The following ABCB11 variants were observed in gnomAD, a reference collection of about 807,000 sequenced individuals.
ABCB11 encodes the protein bile salt export pump.
A neutral mutation model predicts 148.0 loss-of-function variants in ABCB11; 95 were observed. The ratio of observed to expected loss-of-function variants is 0.64; its 90% CI spans 0.54 to 0.76. The LOEUF (loss-of-function observed/expected upper bound fraction) is 0.76, where lower values mean the gene tolerates loss of function less well. Ranked by LOEUF, ABCB11 falls within the 30% of genes least tolerant of loss-of-function variation. The pLI is 0.00. For missense variants in ABCB11, 1,523 were observed against 1,617.8 expected (o/e 0.94, Z 1.01); for synonymous variants, 591 against 555.4 (o/e 1.06, Z -0.90).
chr2:168,993,118 C>T (rs1368985555), intron 8 of ABCB11, among the ~76,000 whole-genome samples: 2 of 151,986 alleles, frequency 1.3e-5, no homozygotes, highest in East Asian at 3.9e-4. Context: ...GGTCAGATCA[C>T]CTCTCTCTGA....
intron 10 of ABCB11, among the ~76,000 whole-genome samples, chr2:168,981,247 A>T (rs1186832987): frequency 6.6e-6 from 1 of 152,038 alleles, no homozygotes; most frequent in African/African-American, 2.4e-5. Context: ...CATTCCACAC[A>T]TTAGGATGAT....
rs754048936 is a variant in ABCB11, at chr2:168,930,726, C to T, written c.3350G>A (p.Cys1117Tyr). Residue 1117 changes from cysteine (C) to tyrosine (Y), a missense_variant, in exon 25 of 28, where the codon TGT becomes TAT. By Grantham distance (194) the Cys-to-Tyr change is radical (BLOSUM62 -2). Coordinates refer to ENST00000650372, the MANE Select transcript of ABCB11 (RefSeq NM_003742.4). ...CAGCTGAATGCTAGTGCTTTTGCCA[C>T]ATCCACTGCTCCCAACAAACGCCAG... ...QTLAFVGSSG[C>Y]GKSTSIQLLE... The T allele has an allele frequency of 6.9e-6, 11 of 1,604,190 alleles. No homozygotes were observed. Among genetic ancestry groups the T allele is most frequent in the Non-Finnish European group, 7.7e-6 (9 of 1,173,164 alleles).
intron 9 of ABCB11, among the ~76,000 whole-genome samples, chr2:168,990,325 G>T (rs879464829): frequency 8.6e-5 from 13 of 152,002 alleles, no homozygotes; most frequent in Middle Eastern, 3.4e-3. Flanking sequence ...TTATTTCTCC[G>T]TGATTCAACC....
Position 168,923,807 on chromosome 2 carries a change from G to A in ABCB11, c.3781C>T (p.Leu1261=). ...GTCCGACCCTCTCTGGCTTTGTCTA[G>A]AGCAACCTGCACCGTCTGCAAAGAG... ...TESEKTVQVA[L]DKAREGRTCI... Residue 1261 remains leucine (L), a synonymous_variant, in exon 28 of 28, where the codon CTA becomes TTA. Coordinates refer to ENST00000650372, the MANE Select transcript of ABCB11 (RefSeq NM_003742.4). 1 of 1,613,926 alleles carries A rather than the reference G, an allele frequency of 6.2e-7. No individual in the cohort carries two copies. Among genetic ancestry groups the A allele is most frequent in the Non-Finnish European group, 8.5e-7 (1 of 1,179,876 alleles).
At chr2:168,923,918 C>T in intron 27 of ABCB11, 96 bp from the exon 28 acceptor site, 1 of 1,196,542 alleles carries the variant, frequency 8.4e-7, no homozygotes. Context: ...AATAACAATC[C>T]TATACTTGAC....
Position 168,936,268 on chromosome 2 carries a change from C to A in ABCB11, c.2776G>T (p.Ala926Ser). The A allele has an allele frequency of 2.5e-6, 4 of 1,613,898 alleles. No homozygotes were observed. The highest frequency in any genetic ancestry group is 2.2e-5 in the South Asian group (2 of 91,050). ...TCCAGGGCCTGCTTATCTCGAGAGG[C>A]AAATCCTGTCAACATCCTGGTCTGT... The part of the protein sequence containing the change: ...ATQTRMLTGF[A>S]SRDKQALEMV... Residue 926 changes from alanine to serine, a missense_variant, in exon 22 of 28, where the codon GCC becomes TCC. Coordinates refer to ENST00000650372, the MANE Select transcript of ABCB11 (RefSeq NM_003742.4).
In ABCB11 at chr2:168,990,896, C is replaced by A. The variant is rs1694494615; in HGVS notation, c.813G>T (p.Leu271=). 1 of 1,613,090 alleles carries A rather than the reference C, an allele frequency of 6.2e-7. No individual in the cohort carries two copies. The highest frequency in any genetic ancestry group is 8.5e-7 in the Non-Finnish European group (1 of 1,179,354). The part of the protein sequence containing the change: ...LSVSKFTDYE[L]KAYAKAGVVA... ...CCACCCCTGCTTTGGCATAGGCCTT[C>A]AGCTCATAGTCCGTAAACTTGGACA... is the stretch of plus-strand genomic sequence containing the variant. Residue 271 remains leucine (L), a synonymous_variant, in exon 9 of 28, where the codon CTG becomes CTT. Coordinates refer to ENST00000650372, the MANE Select transcript of ABCB11 (RefSeq NM_003742.4).
chr2:168,941,929 T>C (rs2685813), intron 21 of ABCB11, among the ~76,000 whole-genome samples: 76,528 of 151,804 alleles, frequency 0.5, 20,042 homozygotes, highest in South Asian at 0.66. Context: ...CACTAGGAAG[T>C]GAAAAAATTA....
intron 12 of ABCB11, among the ~76,000 whole-genome samples, chr2:168,974,672 G>A (rs145500606): frequency 3.3e-5 from 5 of 151,872 alleles, no homozygotes; most frequent in African/African-American, 9.7e-5. Context: ...AAACATACTC[G>A]TACTATGAAT....
chr2:168,946,421 G>A (rs1286471639), intron 19 of ABCB11, among the ~76,000 whole-genome samples: 2 of 151,728 alleles, frequency 1.3e-5, no homozygotes, highest in Non-Finnish European at 2.9e-5. Context: ...AAGTGAGTAG[G>A]AGGGGTTCTA....
intron 18 of ABCB11, among the ~76,000 whole-genome samples, chr2:168,959,711 T>G: frequency 6.6e-6 from 1 of 151,540 alleles, no homozygotes; most frequent in Non-Finnish European, 1.5e-5. Context: ...CATCTGCCCA[T>G]TATGAAAGAG....
downstream of ABCB11, among the ~76,000 whole-genome samples, chr2:168,917,801 TATTCTA>T (rs1350501646): frequency 1.3e-5 from 2 of 152,244 alleles, no homozygotes; most frequent in South Asian, 2.1e-4. Context: ...ATGAACCTGA[TATTCTA>T]ATTCTGTGTT....
Position 168,986,162 on chromosome 2 carries a change from C to T in ABCB11, c.1031G>A (p.Gly344Asp). 6.2e-7 allele frequency: 1 copy of T among 1,612,960 alleles called. No homozygotes were observed. The highest frequency in any genetic ancestry group is 8.5e-7 in the Non-Finnish European group (1 of 1,179,440). The change falls in exon 10 of 28, where the codon GGC becomes GAC. Residue 344 changes from glycine to aspartate, a missense_variant. By Grantham distance (94) the Gly-to-Asp change is moderately conservative. Transcript: ENST00000650372. ...TCCTTCATCCAGGACAAGTGTGGAG[C>T]CGTACCAGAAGGCCAGTGCATAACA... ...FLCYALAFWY[G>D]STLVLDEGEY...
chr2:168,991,551 C>A lies in ABCB11; in HGVS notation c.784-626G>T, dbSNP rs527527901. 1.3e-4 allele frequency among the ~76,000 whole-genome samples: 19 copies of A among 151,992 alleles called. 1 individual carries two copies. In the South Asian group the frequency reaches 3.7e-3, roughly 30 times the overall value. Reference sequence around the variant, plus strand: ...AGTCAAAATGAACCCCCAAAGAAAACCCTGGCACAGATTAATAAATAAGAA... The same window carrying A: ...AGTCAAAATGAACCCCCAAAGAAAAACCTGGCACAGATTAATAAATAAGAA... On this transcript the variant is annotated intron_variant, in intron 8 of 27. Transcript: ENST00000650372.
intron 5 of ABCB11, among the ~76,000 whole-genome samples, chr2:169,008,989 A>C (rs1441433814): frequency 4.6e-5 from 7 of 152,190 alleles, no homozygotes; most frequent in Non-Finnish European, 1.0e-4. Context: ...ACTGCAAAAA[A>C]CACATGCTTA....
intron 1 of ABCB11, among the ~76,000 whole-genome samples, chr2:169,022,942 C>T (rs1695577986): frequency 6.6e-6 from 1 of 151,224 alleles, no homozygotes; most frequent in Non-Finnish European, 1.5e-5. Flanking sequence ...TTTTGAAAAC[C>T]TATAAAATTA....
intron 3 of ABCB11, 58 bp downstream of exon 3, chr2:169,016,720 A>G: frequency 2.1e-6 from 3 of 1,434,002 alleles, no homozygotes; most frequent in Non-Finnish European, 2.9e-6. Context: ...TGCCTTTGAT[A>G]TGAATATTAT....
At position 168,944,664 on chromosome 2, in the gene ABCB11, T is replaced by TGAG. The variant is rs1405623628; in HGVS notation, c.2548_2550dup (p.Leu850dup). ...GTTGTCAATGCTCCAGGGCTATTTC[T>TGAG]GAGGTCATCAAACCAGGCAATATCT... On this transcript the variant is annotated inframe_insertion, in exon 21 of 28. Coordinates refer to ENST00000650372, the MANE Select transcript of ABCB11 (RefSeq NM_003742.4). 2 of 1,612,854 alleles carry TGAG rather than the reference T, an allele frequency of 1.2e-6. No individual in the cohort carries two copies. The highest frequency in any genetic ancestry group is 1.7e-5 in the Admixed American group (1 of 59,908).
chr2:168,996,880 G>A (rs1487158843), intron 5 of ABCB11, among the ~76,000 whole-genome samples, 158 bp from the exon 6 acceptor site: 1 of 149,154 alleles, frequency 6.7e-6, no homozygotes, highest in Non-Finnish European at 1.5e-5. Context: ...TATTAGACAT[G>A]AGTAAGACAT....
Sources: gnomAD v4.1 joint callset for allele counts (sites outside exome capture counted in the v4.1 genomes callset) on GRCh38, gnomAD v4.1.1 for gene constraint, MANE v1.5 for transcripts, NCBI Gene and HGNC (gene_info 2026-07-23, HGNC 2026-07-21) for gene names.